ALG9: variants seen among roughly 807,000 people sequenced by gnomAD.
ALG9 encodes the protein alpha-1,2-mannosyltransferase ALG9.
In ALG9, 55 loss-of-function variants were observed where a neutral mutation model predicts 81.8. The observed-to-expected ratio is 0.67, with a 90% CI of 0.54 to 0.84. The LOEUF (loss-of-function observed/expected upper bound fraction) is 0.84, where lower values mean the gene tolerates loss of function less well. Among genes scored for constraint, ALG9 ranks in the 40% least tolerant of loss-of-function variants. The pLI, the probability that ALG9 is intolerant of heterozygous loss-of-function variation, is 0.00. For missense variants in ALG9, 629 were observed against 745.0 expected, an observed-to-expected ratio of 0.84 and a Z score of 1.81; for synonymous variants, 278 against 274.3, an observed-to-expected ratio of 1.01 and a Z score of -0.13.
intron 13 of ALG9, among the ~76,000 whole-genome samples, chr11:111,831,258 C>T (rs1395367098): frequency 2.0e-5 from 3 of 152,140 alleles, no homozygotes; most frequent in Non-Finnish European, 4.4e-5. Flanking sequence ...CCAAGCTGAT[C>T]TTGAACTCCT....
chr11:111,775,394 G>A, the ALG9 span, among the ~76,000 whole-genome samples: 1 of 152,234 alleles, frequency 6.6e-6, no homozygotes, highest in Non-Finnish European at 1.5e-5. Flanking sequence ...AGCTGGGACT[G>A]TAATCAGAAA....
In ALG9 at chr11:111,853,733, T is replaced by C; in HGVS notation, c.705A>G (p.Leu235=). The change falls in exon 7 of 15, where the codon TTA becomes TTG. Residue 235 remains leucine, a synonymous_variant. Coordinates refer to ENST00000616540, the MANE Select transcript of ALG9 (RefSeq NM_024740.2). ...TGACCAGCAAATCAAAGGCAATGGGTAAACTATTTAACAGAGAAACAGAGC... is the reference window on the plus strand; with the variant it reads ...TGACCAGCAAATCAAAGGCAATGGGCAAACTATTTAACAGAGAAACAGAGC... ...LGWPFSAALG[L]PIAFDLLVMK... The C allele has an allele frequency of 6.2e-7, 1 of 1,613,256 alleles. No homozygotes were observed. Among genetic ancestry groups the C allele is most frequent in the South Asian group, 1.1e-5 (1 of 91,066 alleles).
At chr11:111,828,467 A>G (rs1953760091) in intron 13 of ALG9, among the ~76,000 whole-genome samples, 1 of 152,250 alleles carries the variant, frequency 6.6e-6, no homozygotes, top group Non-Finnish European at 1.5e-5. Flanking sequence ...GTTTCTAACA[A>G]AAAGCGTTCC....
At chr11:111,862,292 G>A (rs1319927526) in intron 4 of ALG9, among the ~76,000 whole-genome samples, 1 of 148,996 alleles carries the variant, frequency 6.7e-6, no homozygotes, top group African/African-American at 2.5e-5. Flanking sequence ...GGAGTGCAAT[G>A]GGGTGATCTT....
intron 14 of ALG9, 142 bp from the exon 15 acceptor site, chr11:111,786,662 T>C (rs1946517037): frequency 9.8e-7 from 1 of 1,016,932 alleles, no homozygotes; most frequent in Non-Finnish European, 1.4e-6. Context: ...ATTATTTCGG[T>C]ACTAGATCAC....
intron 3 of ALG9, among the ~76,000 whole-genome samples, chr11:111,866,781 T>C (rs1962622325): frequency 6.6e-6 from 1 of 151,274 alleles, no homozygotes; most frequent in African/African-American, 2.4e-5. Flanking sequence ...ATCTTTCCTT[T>C]GACAAGTTCA....
intron 3 of ALG9, among the ~76,000 whole-genome samples, chr11:111,866,938 CA>C (rs1555153718): frequency 6.6e-6 from 1 of 151,912 alleles, no homozygotes; most frequent in African/African-American, 2.4e-5. Context: ...ACTAAAAATA[CA>C]AAAAAATTAG....
At chr11:111,832,733 C>G (rs1592146074) in intron 13 of ALG9, among the ~76,000 whole-genome samples, 1 of 152,068 alleles carries the variant, frequency 6.6e-6, no homozygotes, top group East Asian at 1.9e-4. Flanking sequence ...AAATCAATGA[C>G]CAATCTATGT....
At chr11:111,823,088 A>C (rs2136614871) in intron 13 of ALG9, among the ~76,000 whole-genome samples, 1 of 152,304 alleles carries the variant, frequency 6.6e-6, no homozygotes, top group Non-Finnish European at 1.5e-5. Context: ...TTTTTATTTA[A>C]ATCTAGCTAA....
rs782042953 is a variant in ALG9, at chr11:111,864,434, C to T, written c.476+747G>A. The T allele has an allele frequency of 1.4e-5, 11 of 762,004 alleles. No individual in the cohort carries two copies. The African/African-American group carries it at 1.7e-4, about 12-fold the overall frequency. The allele number at this position is 762,004 out of a possible 1,614,324, so 47.2% of individuals were successfully genotyped here. ...ATCTTCAAGTACAAATCCCTTCAGACCCCAGAAAATCTGTTCTTTTTTGTA... is the reference window on the plus strand; with the variant it reads ...ATCTTCAAGTACAAATCCCTTCAGATCCCAGAAAATCTGTTCTTTTTTGTA... On this transcript the variant is annotated intron_variant, in intron 4 of 14. Coordinates refer to ENST00000616540, the MANE Select transcript of ALG9 (RefSeq NM_024740.2).
In ALG9 at chr11:111,806,393, T is replaced by A. The variant is rs117752734; in HGVS notation, c.1733+3250A>T. 8.2e-3 allele frequency among the ~76,000 whole-genome samples: 1,242 copies of A among 152,292 alleles called. 6 individuals carry two copies. The highest frequency in any genetic ancestry group is 0.051 in the Middle Eastern group (15 of 294). On this transcript the variant is annotated intron_variant, in intron 14 of 14. Coordinates refer to ENST00000616540, the MANE Select transcript of ALG9 (RefSeq NM_024740.2). ...CCAAATTGCCTTTACCAGTTGCCAA[T>A]TCTAATGGACAGTTGTTATTCTTCA... is the stretch of plus-strand genomic sequence containing the variant.
intron 13 of ALG9, 120 bp downstream of exon 13, chr11:111,836,045 G>A (rs913422738): frequency 2.1e-5 from 29 of 1,352,110 alleles, no homozygotes; most frequent in East Asian, 1.2e-4. Flanking sequence ...CACAGCACCC[G>A]GCCTTAAAAA....
At chr11:111,816,912 T>G (rs911662575) in intron 13 of ALG9, among the ~76,000 whole-genome samples, 6 of 152,104 alleles carry the variant, frequency 3.9e-5, no homozygotes, top group Non-Finnish European at 7.4e-5. Flanking sequence ...TTAGCATATA[T>G]GAAATGCAGA....
chr11:111,805,422 C>A, intron 14 of ALG9: 1 of 436,932 alleles, frequency 2.3e-6, no homozygotes, highest in Non-Finnish European at 4.6e-6. Flanking sequence ...CAAAGATGTC[C>A]TTCAGTAGGT....
chr11:111,833,954 C>T (rs1192932044), intron 13 of ALG9, among the ~76,000 whole-genome samples: 1 of 152,216 alleles, frequency 6.6e-6, no homozygotes, highest in Non-Finnish European at 1.5e-5. Context: ...CTCTCAACAT[C>T]ATTACCACAA....
At chr11:111,779,782 A>C, downstream of ALG9, among the ~76,000 whole-genome samples, 1 of 152,216 alleles carries the variant, frequency 6.6e-6, no homozygotes, top group Non-Finnish European at 1.5e-5. Flanking sequence ...AAGGGAAAAA[A>C]AAGCTCATAC....
chr11:111,787,738 G>A (rs555349952), intron 14 of ALG9, among the ~76,000 whole-genome samples: 12 of 151,884 alleles, frequency 7.9e-5, no homozygotes, highest in African/African-American at 2.2e-4. Flanking sequence ...GATTACAGGC[G>A]TGAGCCACCG....
chr11:111,847,864 T>C (rs914085772), intron 8 of ALG9, among the ~76,000 whole-genome samples: 1 of 152,180 alleles, frequency 6.6e-6, no homozygotes, highest in African/African-American at 2.4e-5. Context: ...TCCTGATCAC[T>C]TTCCAAACCA....
At chr11:111,815,243 T>A (rs1051828794) in intron 13 of ALG9, among the ~76,000 whole-genome samples, 7 of 149,292 alleles carry the variant, frequency 4.7e-5, no homozygotes, top group Middle Eastern at 3.4e-3. Flanking sequence ...TACAAAAAAA[T>A]TTTTTTTAAA....
Sources: allele counts gnomAD v4.1 joint callset (sites outside exome capture counted in the v4.1 genomes callset), GRCh38; gene constraint gnomAD v4.1.1; transcripts MANE v1.5; gene names NCBI Gene and HGNC (gene_info 2026-07-23, HGNC 2026-07-21).